SYT1: variants seen among roughly 807,000 people sequenced by gnomAD.
SYT1 encodes the protein synaptotagmin 1, also known as synaptotagmin-1.
SYT1 carries 8 observed loss-of-function variants against 44.8 expected under a neutral mutation model. That is an observed-to-expected ratio of 0.18 (90% CI 0.10 to 0.32). SYT1 has a LOEUF of 0.32. Among genes scored for constraint, SYT1 ranks in the 10% least tolerant of loss-of-function variants. SYT1 has a pLI of 1.00. For missense variants in SYT1, 286 were observed against 509.3 expected, an observed-to-expected ratio of 0.56 and a Z score of 4.22; for synonymous variants, 154 against 188.8, an observed-to-expected ratio of 0.82 and a Z score of 1.51.
intron 3 of SYT1, among the ~76,000 whole-genome samples, chr12:79,059,513 T>A (rs556871153): frequency 7.7e-4 from 117 of 152,262 alleles, no homozygotes; most frequent in African/African-American, 2.7e-3. Context: ...GTTATAACAT[T>A]CCTTATACCT....
intron 4 of SYT1, among the ~76,000 whole-genome samples, chr12:79,240,519 T>C (rs1050714124): frequency 2.6e-5 from 4 of 152,200 alleles, no homozygotes; most frequent in Admixed American, 6.5e-5. Flanking sequence ...TTAATTATTC[T>C]CAGTCTAGTG....
intron 3 of SYT1, among the ~76,000 whole-genome samples, chr12:79,054,752 G>C (rs945889794): frequency 6.6e-6 from 1 of 151,842 alleles, no homozygotes; most frequent in Admixed American, 6.6e-5. Context: ...ATATAGAAAA[G>C]TTTGCTTCAT....
intron 3 of SYT1, among the ~76,000 whole-genome samples, chr12:79,126,076 G>A (rs1286390641): frequency 1.3e-5 from 2 of 152,166 alleles, no homozygotes; most frequent in African/African-American, 2.4e-5. Context: ...CAATGGTAAT[G>A]CAGTGATTAC....
At chr12:79,427,601 A>G (rs572911473) in intron 9 of SYT1, among the ~76,000 whole-genome samples, 92 of 152,344 alleles carry the variant, frequency 6.0e-4, no homozygotes, top group African/African-American at 2.1e-3. Context: ...TTGGCATTTT[A>G]TAAGAATTAT....
intron 2 of SYT1, among the ~76,000 whole-genome samples, chr12:78,987,222 A>T (rs1308840376): frequency 6.6e-6 from 1 of 152,060 alleles, no homozygotes; most frequent in South Asian, 2.1e-4. Context: ...CTTTCTAAGC[A>T]TGAGGAACAT....
At chr12:79,152,890 A>G (rs1301972906) in intron 3 of SYT1, among the ~76,000 whole-genome samples, 1 of 151,684 alleles carries the variant, frequency 6.6e-6, no homozygotes, top group Admixed American at 6.6e-5. Flanking sequence ...AAAAAAAAAA[A>G]AAGTAAGAGA....
chr12:79,173,333 GA>G (rs1266179096), intron 3 of SYT1, among the ~76,000 whole-genome samples: 1 of 152,046 alleles, frequency 6.6e-6, no homozygotes, highest in Non-Finnish European at 1.5e-5. Flanking sequence ...TGGACAGTAA[GA>G]ACCCTAAATG....
intron 3 of SYT1, among the ~76,000 whole-genome samples, chr12:79,185,859 C>G (rs188874032): frequency 1.2e-3 from 142 of 119,390 alleles, no homozygotes; most frequent in African/African-American, 4.5e-3. Flanking sequence ...ATGAGAGATA[C>G]TCTCCATTTT....
At chr12:79,044,058 C>T (rs1717041977) in intron 2 of SYT1, among the ~76,000 whole-genome samples, 1 of 152,106 alleles carries the variant, frequency 6.6e-6, no homozygotes, top group East Asian at 1.9e-4. Flanking sequence ...CTGCCCTTAA[C>T]ATTTTTTCCT....
At chr12:79,254,390 A>T (rs1245829) in intron 4 of SYT1, among the ~76,000 whole-genome samples, 46,543 of 152,056 alleles carry the variant, frequency 0.31, 8,962 homozygotes, top group Admixed American at 0.43. Context: ...CATTGTTGAG[A>T]CCTGCTGCTC....
At chr12:79,367,893 C>A (rs1883613014) in intron 9 of SYT1, among the ~76,000 whole-genome samples, 1 of 151,038 alleles carries the variant, frequency 6.6e-6, no homozygotes, top group Non-Finnish European at 1.5e-5. Context: ...GAGATGATAC[C>A]TTTTTTTAAA....
At chr12:79,018,079 G>T (rs922591653) in intron 2 of SYT1, among the ~76,000 whole-genome samples, 10 of 151,096 alleles carry the variant, frequency 6.6e-5, no homozygotes, top group Admixed American at 2.6e-4. Flanking sequence ...CAATAGCAAA[G>T]ACTTGGAACC....
intron 2 of SYT1, among the ~76,000 whole-genome samples, chr12:78,982,204 T>C (rs1592630704): frequency 6.6e-6 from 1 of 152,194 alleles, no homozygotes; most frequent in South Asian, 2.1e-4. Context: ...TGAGCTGATA[T>C]ATCTCATTAC....
At chr12:79,205,512 T>G (rs1324263777) in intron 3 of SYT1, among the ~76,000 whole-genome samples, 1 of 152,192 alleles carries the variant, frequency 6.6e-6, no homozygotes, top group South Asian at 2.1e-4. Flanking sequence ...CAAAACAATG[T>G]TAAACTTGTG....
At chr12:79,125,288 T>G (rs1466382722) in intron 3 of SYT1, among the ~76,000 whole-genome samples, 3 of 152,070 alleles carry the variant, frequency 2.0e-5, no homozygotes, top group African/African-American at 7.2e-5. Context: ...AGAACTTTAC[T>G]TTTCTTTGGC....
chr12:79,101,349 T>C (rs939230951), intron 3 of SYT1, among the ~76,000 whole-genome samples: 2 of 152,214 alleles, frequency 1.3e-5, no homozygotes, highest in Non-Finnish European at 2.9e-5. Context: ...TTGGAGACAT[T>C]ATGCTAAGTG....
intron 3 of SYT1, among the ~76,000 whole-genome samples, chr12:79,081,387 T>G (rs1426220112): frequency 1.3e-5 from 2 of 151,574 alleles, no homozygotes; most frequent in Non-Finnish European, 3.0e-5. Flanking sequence ...AATTCACTTT[T>G]TTTTTTTTTT....
chr12:79,250,421 C>A (rs1367935078), intron 4 of SYT1, among the ~76,000 whole-genome samples: 3 of 152,200 alleles, frequency 2.0e-5, no homozygotes, highest in Non-Finnish European at 2.9e-5. Context: ...GAATCACCCT[C>A]AGATATGTCA....
chr12:79,307,762 C>T (rs189048376), intron 8 of SYT1, among the ~76,000 whole-genome samples: 30 of 152,310 alleles, frequency 2.0e-4, no homozygotes, highest in Admixed American at 1.7e-3. Flanking sequence ...AATGGCCTTG[C>T]CTAACGGCAT....
Sources: allele counts gnomAD v4.1 joint callset (sites outside exome capture counted in the v4.1 genomes callset), GRCh38; gene constraint gnomAD v4.1.1; transcripts MANE v1.5; gene names NCBI Gene and HGNC (gene_info 2026-07-23, HGNC 2026-07-21).